BPIFB4: variants seen among roughly 807,000 people sequenced by gnomAD.
BPIFB4 encodes the protein BPI fold-containing family B member 4.
Under a neutral mutation model 69.2 loss-of-function variants are expected in BPIFB4, and 62 were observed. The observed-to-expected ratio is 0.90, with a 90% CI of 0.73 to 1.11. The LOEUF (loss-of-function observed/expected upper bound fraction) is 1.11. Ranked by LOEUF, BPIFB4 falls within the 50% of genes least tolerant of loss-of-function variation. BPIFB4 has a pLI of 0.00. For synonymous variants in BPIFB4, 330 were observed against 332.7 expected, an observed-to-expected ratio of 0.99 and a Z score of 0.09; for missense variants, 789 against 792.0, an observed-to-expected ratio of 1.00 and a Z score of 0.04.
intron 14 of BPIFB4, among the ~76,000 whole-genome samples, chr20:33,101,046 A>C (rs974675600): frequency 2.6e-5 from 4 of 152,060 alleles, no homozygotes; most frequent in African/African-American, 9.7e-5. Flanking sequence ...CCCTGTCTCT[A>C]AGTAACAGTG....
intron 9 of BPIFB4, 82 bp downstream of exon 9, chr20:33,089,640 GGCCACAGACCT>G: frequency 6.2e-7 from 1 of 1,606,908 alleles, no homozygotes; most frequent in Non-Finnish European, 8.5e-7. Context: ...ATGTGGTGGG[GGCCACAGACCT>G]GCCCTTAGGC....
chr20:33,095,638 C>A, intron 12 of BPIFB4, among the ~76,000 whole-genome samples: 1 of 152,154 alleles, frequency 6.6e-6, no homozygotes, highest in East Asian at 1.9e-4. Flanking sequence ...CAGCACATCC[C>A]AGTCATATGA....
At chr20:33,101,734 CG>C (rs576647871) in intron 14 of BPIFB4, among the ~76,000 whole-genome samples, 444 of 152,164 alleles carry the variant, frequency 2.9e-3, no homozygotes, top group Non-Finnish European at 5.5e-3. Flanking sequence ...CTAGTAGAGA[CG>C]GGGTTTCGCC....
chr20:33,097,589 G>T (rs1443657818), intron 12 of BPIFB4, 28 bp from the exon 13 acceptor site: 1 of 1,606,828 alleles, frequency 6.2e-7, no homozygotes, highest in Non-Finnish European at 8.5e-7. Context: ...TAAGGGCCCT[G>T]TCCATCTGGC....
chr20:33,109,153 A>G (rs1289369963), intron 17 of BPIFB4, among the ~76,000 whole-genome samples: 1 of 152,154 alleles, frequency 6.6e-6, no homozygotes, highest in East Asian at 1.9e-4. Context: ...TTCTCATCTG[A>G]AAATGGGGAA....
intron 14 of BPIFB4, among the ~76,000 whole-genome samples, chr20:33,101,218 C>T (rs1981899806): frequency 6.6e-6 from 1 of 152,164 alleles, no homozygotes; most frequent in Admixed American, 6.5e-5. Flanking sequence ...AGGGAGAAAA[C>T]TAGGGCTGGA....
intron 8 of BPIFB4, among the ~76,000 whole-genome samples, 176 bp downstream of exon 8, chr20:33,089,205 G>C (rs571446840): frequency 6.6e-6 from 1 of 152,352 alleles, no homozygotes; most frequent in East Asian, 1.9e-4. Context: ...CGAAAGGACA[G>C]ATTAGTGAAG....
intron 9 of BPIFB4, among the ~76,000 whole-genome samples, chr20:33,090,242 T>C (rs2146407024): frequency 6.6e-6 from 1 of 152,340 alleles, no homozygotes; most frequent in South Asian, 2.1e-4. Flanking sequence ...TGAGAATGGC[T>C]TTCCAAGACA....
intron 5 of BPIFB4, 106 bp downstream of exon 5, chr20:33,083,980 C>T (rs1981341276): frequency 2.2e-6 from 3 of 1,334,480 alleles, no homozygotes; most frequent in Non-Finnish European, 3.0e-6. Context: ...CAGAGCCCCA[C>T]ACACTTCAGG....
intron 17 of BPIFB4, among the ~76,000 whole-genome samples, chr20:33,110,212 C>A (rs1249093584): frequency 6.6e-6 from 1 of 152,228 alleles, no homozygotes; most frequent in Admixed American, 6.5e-5. Flanking sequence ...CAAGGTGGGA[C>A]AATTCCTCAC....
At position 33,092,442 on chromosome 20, in the gene BPIFB4, T is replaced by G. The variant is rs746344980; in HGVS notation, c.1144-16T>G. 2.9e-5 allele frequency: 47 copies of G among 1,605,348 alleles called. No homozygotes were observed. Among genetic ancestry groups the G allele is most frequent in the Non-Finnish European group, 3.8e-5 (44 of 1,172,994 alleles). ...CTTCTCCCTCCCTGTGACCCCTTTC[T>G]TCTCTTCTCCCCCAGACGCTGGTTG... On this transcript the variant is annotated splice_polypyrimidine_tract_variant and intron_variant, in intron 10 of 17. Coordinates refer to ENST00000375483, the MANE Select transcript of BPIFB4 (RefSeq NM_182519.3).
intron 14 of BPIFB4, among the ~76,000 whole-genome samples, chr20:33,101,702 C>T (rs1257047101): frequency 8.5e-5 from 13 of 152,076 alleles, no homozygotes; most frequent in Admixed American, 7.2e-4. Flanking sequence ...TGCACCACCA[C>T]GCCAGACTAA....
intron 11 of BPIFB4, among the ~76,000 whole-genome samples, chr20:33,093,473 A>G (rs1286376191): frequency 6.6e-6 from 1 of 150,478 alleles, no homozygotes; most frequent in Non-Finnish European, 1.5e-5. Flanking sequence ...CTGTTTATCT[A>G]TCCATCCACC....
At chr20:33,108,674 C>G (rs761932) in intron 17 of BPIFB4, among the ~76,000 whole-genome samples, 49,337 of 151,730 alleles carry the variant, frequency 0.33, 8,182 homozygotes, top group Middle Eastern at 0.41. Flanking sequence ...GCTAATCATA[C>G]TACCTACCCA....
At chr20:33,103,503 T>C (rs75091618) in intron 15 of BPIFB4, among the ~76,000 whole-genome samples, 1 of 152,254 alleles carries the variant, frequency 6.6e-6, no homozygotes, top group African/African-American at 2.4e-5. Context: ...GGAATTCTGC[T>C]TTTCCAAGGG....
intron 7 of BPIFB4, among the ~76,000 whole-genome samples, chr20:33,086,716 G>T (rs1981441098): frequency 6.6e-6 from 1 of 152,218 alleles, no homozygotes; most frequent in Non-Finnish European, 1.5e-5. Context: ...TTCCCCACTT[G>T]GTTCTGCCCA....
chr20:33,107,480 AAAAG>A (rs1982102165), intron 16 of BPIFB4, among the ~76,000 whole-genome samples: 1 of 152,068 alleles, frequency 6.6e-6, no homozygotes, highest in Admixed American at 6.5e-5. Context: ...AACAAACAAA[AAAAG>A]CAAAAATTAG....
chr20:33,083,575 C>G lies in BPIFB4; in HGVS notation c.378C>G (p.Ala126=), dbSNP rs772687337. The change falls in exon 5 of 18, where the codon GCC becomes GCG. Residue 126 remains alanine (A), a synonymous_variant. Coordinates refer to ENST00000375483, the MANE Select transcript of BPIFB4 (RefSeq NM_182519.3). ...RDLRNSGYRS[A]ENAYGGHRGL... is the part of the protein sequence containing the mutation. ...TCCGAAACAGTGGCTATCGCAGTGC[C>G]GAGAATGCATATGGAGGCCACAGGG... The G allele has an allele frequency of 3.7e-6, 6 of 1,613,884 alleles. No individual in the cohort carries two copies. Among genetic ancestry groups the G allele is most frequent in the South Asian group, 1.1e-5 (1 of 91,072 alleles).
At chr20:33,086,191 C>G in intron 7 of BPIFB4, 27 bp downstream of exon 7, 2 of 1,591,330 alleles carry the variant, frequency 1.3e-6, no homozygotes, top group South Asian at 2.2e-5. Flanking sequence ...AGTGGAGTGC[C>G]TTGGGGGTTG....
Sources: gnomAD v4.1 joint callset for allele counts (sites outside exome capture counted in the v4.1 genomes callset) on GRCh38, gnomAD v4.1.1 for gene constraint, MANE v1.5 for transcripts, NCBI Gene and HGNC (gene_info 2026-07-23, HGNC 2026-07-21) for gene names.